LAMA1: variants seen among roughly 807,000 people sequenced by gnomAD.
LAMA1 encodes the protein laminin subunit alpha-1.
Under a neutral mutation model 348.7 loss-of-function variants are expected in LAMA1, and 219 were observed. That is an observed-to-expected ratio of 0.63 (90% CI 0.56 to 0.70). The LOEUF (loss-of-function observed/expected upper bound fraction) is 0.70. Among genes scored for constraint, LAMA1 ranks in the 30% least tolerant of loss-of-function variants. LAMA1 has a pLI of 0.00. For synonymous variants in LAMA1, 1,487 were observed against 1,491.0 expected, an observed-to-expected ratio of 1.00 and a Z score of 0.06; for missense variants, 3,744 against 3,888.0, an observed-to-expected ratio of 0.96 and a Z score of 0.99.
chr18:7,029,633 G>C (rs770157055), intron 16 of LAMA1, among the ~76,000 whole-genome samples: 8 of 151,986 alleles, frequency 5.3e-5, no homozygotes, highest in Non-Finnish European at 1.0e-4. Context: ...TGGTGAATCT[G>C]GTATGTGAAG....
intron 1 of LAMA1, among the ~76,000 whole-genome samples, chr18:7,089,883 G>T (rs531251156): frequency 6.6e-6 from 1 of 152,056 alleles, no homozygotes; most frequent in African/African-American, 2.4e-5. Context: ...TACAAGTTGT[G>T]GCGAAATTCA....
intron 34 of LAMA1, among the ~76,000 whole-genome samples, chr18:6,994,915 T>C (rs660181): frequency 0.65 from 99,131 of 151,878 alleles, 32,825 homozygotes; most frequent in East Asian, 0.93. Flanking sequence ...TTTGCACAGA[T>C]GCCTCATCAT....
chr18:7,063,048 C>T (rs1313984046), intron 3 of LAMA1, among the ~76,000 whole-genome samples: 4 of 152,154 alleles, frequency 2.6e-5, no homozygotes, highest in East Asian at 3.9e-4. Context: ...CTGTACTTAA[C>T]GAACTCCATT....
At chr18:7,049,646 T>C (rs1233779700) in intron 4 of LAMA1, among the ~76,000 whole-genome samples, 2 of 152,212 alleles carry the variant, frequency 1.3e-5, no homozygotes, top group Non-Finnish European at 2.9e-5. Context: ...GATTGTCTAA[T>C]GTCAGGACAG....
chr18:6,948,302 C>A (rs981338188), intron 60 of LAMA1, 101 bp downstream of exon 60: 31 of 1,487,056 alleles, frequency 2.1e-5, no homozygotes, highest in Non-Finnish European at 2.7e-5. Context: ...GGTTTTCCTG[C>A]AGCCTTGTCC....
intron 36 of LAMA1, among the ~76,000 whole-genome samples, chr18:6,987,050 C>T (rs547033132): frequency 5.3e-5 from 8 of 152,306 alleles, no homozygotes; most frequent in South Asian, 4.1e-4. Flanking sequence ...TAAGCCACTG[C>T]GCCCGGCCCA....
intron 56 of LAMA1, chr18:6,956,093 C>T (rs777411082): frequency 1.5e-4 from 46 of 307,594 alleles, no homozygotes; most frequent in Non-Finnish European, 7.5e-5. Context: ...CTCAAAGCCT[C>T]GCCCTGCTCA....
At position 6,973,171 on chromosome 18, in the gene LAMA1, C is replaced by A; in HGVS notation, c.6660G>T (p.Met2220Ile). 1 of 1,614,170 alleles carries A rather than the reference C, an allele frequency of 6.2e-7. No individual in the cohort carries two copies. Among genetic ancestry groups the A allele is most frequent in the Non-Finnish European group, 8.5e-7 (1 of 1,180,010 alleles). ...TTGTTGGTGACTTTTGATTTGAGCT[C>A]ATTTCCTTTACACTCAGTGAACCAA... ...GNIGSLSVKE[M>I]SSNQKSPTKT... The change falls in exon 47 of 63, where the codon ATG becomes ATT. Residue 2220 changes from methionine to isoleucine, a missense_variant. By Grantham distance (10) the Met-to-Ile change is conservative. Around this residue, in one of 3 missense-constraint regions of LAMA1, gnomAD observed 1,983 missense variants for 1,934.3 expected, o/e 1.03. Transcript: ENST00000389658.
At chr18:6,995,041 G>A (rs898535989) in intron 34 of LAMA1, among the ~76,000 whole-genome samples, 3 of 152,202 alleles carry the variant, frequency 2.0e-5, no homozygotes, top group Admixed American at 2.0e-4. Context: ...GGAGAAGGAA[G>A]AAACCTCAGC....
chr18:7,013,959 G>A lies in LAMA1; in HGVS notation c.3219C>T (p.Ala1073=), dbSNP rs1385866735. 3 of 1,613,944 alleles carry A rather than the reference G, an allele frequency of 1.9e-6. No individual in the cohort carries two copies. The East Asian group carries it at 6.7e-5, about 36-fold the overall frequency. The part of the protein sequence containing the change: ...CQCKSKFGGR[A]CDQCSLGYRD... ...TGTAACCCAAGGAACACTGATCGCA[G>A]GCCCGGCCACCAAATTTTGACTTGC... is the stretch of plus-strand genomic sequence containing the variant. The change falls in exon 23 of 63, where the codon GCC becomes GCT. Residue 1073 remains alanine, a synonymous_variant. Transcript: ENST00000389658.
intron 16 of LAMA1, among the ~76,000 whole-genome samples, chr18:7,030,488 G>C (rs1434588532): frequency 1.1e-5 from 1 of 92,162 alleles, no homozygotes; most frequent in African/African-American, 5.5e-5. Flanking sequence ...AGAATGTGGG[G>C]TGTAGTTCAT....
At chr18:6,982,108 G>C (rs955317309) in intron 41 of LAMA1, among the ~76,000 whole-genome samples, 13 of 152,132 alleles carry the variant, frequency 8.5e-5, no homozygotes, top group Admixed American at 3.9e-4. Context: ...CCATGAGAAA[G>C]GTAAAAGAAA....
chr18:7,065,232 C>CAAAAAAA (rs35224545), intron 3 of LAMA1, among the ~76,000 whole-genome samples: 16 of 71,398 alleles, frequency 2.2e-4, no homozygotes, highest in African/African-American at 7.8e-4. Flanking sequence ...GACTCTATCT[C>CAAAAAAA]AAAAAAAAAA....
chr18:6,968,954 G>A (rs2057646113), intron 48 of LAMA1, among the ~76,000 whole-genome samples: 1 of 152,198 alleles, frequency 6.6e-6, no homozygotes, highest in Non-Finnish European at 1.5e-5. Context: ...AAAATGGATT[G>A]TTACTAGAAT....
chr18:6,995,573 T>TAAAAAAAA, intron 33 of LAMA1, 127 bp from the exon 34 acceptor site: 2 of 659,210 alleles, frequency 3.0e-6, no homozygotes, highest in African/African-American at 1.8e-5. Context: ...ACTGTCATTT[T>TAAAAAAAA]AAAAAAAAAT....
At chr18:7,100,276 A>G (rs2058286562) in intron 1 of LAMA1, among the ~76,000 whole-genome samples, 1 of 146,978 alleles carries the variant, frequency 6.8e-6, no homozygotes. Flanking sequence ...AATGTCATTA[A>G]TCATTGGAGA....
In LAMA1 at chr18:7,098,597, G is replaced by A. The variant is rs535692652; in HGVS notation, c.62-18140C>T. ...CCGGCCGCCCCGTCTGAGAAGTGAG[G>A]AGACCCTCTGCCCGGCAACCGCCCC... On this transcript the variant is annotated intron_variant, in intron 1 of 62. Coordinates refer to ENST00000389658, the MANE Select transcript of LAMA1 (RefSeq NM_005559.4). Among the ~76,000 whole-genome samples, 1,195 of 151,416 alleles carry A rather than the reference G, an allele frequency of 7.9e-3. 16 individuals are homozygous for A. Among genetic ancestry groups the A allele is most frequent in the African/African-American group, 0.028 (1,144 of 41,258 alleles).
intron 23 of LAMA1, 113 bp from the exon 24 acceptor site, chr18:7,012,251 C>T: frequency 8.5e-7 from 1 of 1,174,918 alleles, no homozygotes; most frequent in Admixed American, 1.9e-5. Context: ...TATAGATGCA[C>T]AAACATTAGT....
In LAMA1 at chr18:7,038,790, GC is replaced by G; in HGVS notation, c.1563+19del. On this transcript the variant is annotated intron_variant, in intron 11 of 62. Transcript: ENST00000389658. ...TACGACCTGCTCATTAAATCCCGCCGCGCAGATGGCGCCTCCCACCTGACCA... is the reference window on the plus strand; with the variant it reads ...TACGACCTGCTCATTAAATCCCGCCGGCAGATGGCGCCTCCCACCTGACCA... 1.9e-6 allele frequency: 3 copies of G among 1,613,684 alleles called. No homozygotes were observed. The highest frequency in any genetic ancestry group is 2.7e-5 in the African/African-American group (2 of 74,968).
Sources: allele counts gnomAD v4.1 joint callset (sites outside exome capture counted in the v4.1 genomes callset), GRCh38; gene constraint gnomAD v4.1.1; regional missense constraint gnomAD v4.1.1; transcripts MANE v1.5; gene names NCBI Gene and HGNC (gene_info 2026-07-23, HGNC 2026-07-21).